Variants in IL1R1 observed in about 807,000 individuals in gnomAD.
IL1R1 encodes the protein interleukin 1 receptor type 1, also known as interleukin-1 receptor type 1.
IL1R1 carries 22 observed loss-of-function variants against 50.2 expected under a neutral mutation model. The observed-to-expected ratio is 0.44, with a 90% CI of 0.31 to 0.63. The LOEUF is 0.63. Among genes scored for constraint, IL1R1 ranks in the 20% least tolerant of loss-of-function variants. IL1R1 has a pLI of 0.07. For synonymous variants in IL1R1, 251 were observed against 236.7 expected (o/e 1.06, Z -0.55); for missense variants, 509 against 676.2 (o/e 0.75, Z 2.74).
At chr2:102,175,413 T>C in intron 10 of IL1R1, 65 bp from the exon 11 acceptor site, 1 of 1,248,254 alleles carries the variant, frequency 8.0e-7, no homozygotes. Context: ...ATGTTTGTGA[T>C]ACTGACTTTA....
intron 1 of IL1R1, among the ~76,000 whole-genome samples, chr2:102,122,916 C>T (rs377134451): frequency 1.3e-5 from 2 of 152,212 alleles, no homozygotes; most frequent in South Asian, 2.1e-4. Flanking sequence ...CATGTGAATG[C>T]TGTAGCTTTG....
intron 1 of IL1R1, among the ~76,000 whole-genome samples, chr2:102,134,427 G>A (rs1022735291): frequency 6.6e-6 from 1 of 151,404 alleles, no homozygotes; most frequent in African/African-American, 2.4e-5. Context: ...GACCAGGCTG[G>A]AGCGCAATGG....
chr2:102,170,472 T>G (rs1685574948), intron 7 of IL1R1, among the ~76,000 whole-genome samples: 1 of 152,206 alleles, frequency 6.6e-6, no homozygotes, highest in African/African-American at 2.4e-5. Context: ...TTTATTATTG[T>G]TTCCTGATCA....
At chr2:102,090,320 C>T (rs1033627378) in intron 1 of IL1R1, among the ~76,000 whole-genome samples, 6 of 152,040 alleles carry the variant, frequency 3.9e-5, no homozygotes, top group South Asian at 4.2e-4. Flanking sequence ...TATTTTCCCA[C>T]CAACTTGGAA....
At chr2:102,083,639 A>G (rs1249303893) in intron 1 of IL1R1, among the ~76,000 whole-genome samples, 1 of 152,154 alleles carries the variant, frequency 6.6e-6, no homozygotes, top group Non-Finnish European at 1.5e-5. Context: ...AAGCTGTGCT[A>G]ATGCTTTTTA....
In IL1R1 at chr2:102,082,647, C is replaced by CAAAT. The variant is rs1320677246; in HGVS notation, c.-84+12114_-84+12115insAAAT. On this transcript the variant is annotated intron_variant, in intron 1 of 11. Coordinates refer to the IL1R1 transcript ENST00000409929. ...ATCAAACAAAACAAAACAGAACAAA[C>CAAAT]GCCCTGGAGACAGAGAGTCTTATTG... 2.1e-4 allele frequency among the ~76,000 whole-genome samples: 30 copies of CAAAT among 140,760 alleles called. No individual in the cohort carries two copies. The South Asian group carries it at 6.3e-3, about 29-fold the overall frequency. 92.3% of individuals were successfully genotyped at this position (140,760 alleles called of 152,430 possible). A position where few individuals can be genotyped will look rare whatever the true frequency, so the allele number is the denominator to read the frequency against.
At chr2:102,147,300 G>A (rs1295424104) in intron 1 of IL1R1, among the ~76,000 whole-genome samples, 2 of 152,186 alleles carry the variant, frequency 1.3e-5, no homozygotes, top group African/African-American at 2.4e-5. Flanking sequence ...TGAAAACAAT[G>A]TAACGATTCT....
chr2:102,174,540 T>A, intron 9 of IL1R1, 47 bp from the exon 10 acceptor site: 1 of 1,439,304 alleles, frequency 6.9e-7, no homozygotes, highest in Non-Finnish European at 9.3e-7. Context: ...GTTTTAATTC[T>A]TTTTGGTTCT....
chr2:102,108,647 A>AC (rs961387635), intron 1 of IL1R1, among the ~76,000 whole-genome samples: 2 of 152,094 alleles, frequency 1.3e-5, no homozygotes, highest in African/African-American at 4.8e-5. Context: ...TTAAAAAAAA[A>AC]CCTAAATGGA....
At chr2:102,127,721 G>A (rs576245934) in intron 1 of IL1R1, among the ~76,000 whole-genome samples, 44 of 150,986 alleles carry the variant, frequency 2.9e-4, no homozygotes, top group Non-Finnish European at 6.2e-4. Context: ...CAATGATCTG[G>A]GATACCTATT....
intron 1 of IL1R1, among the ~76,000 whole-genome samples, chr2:102,098,732 G>A (rs1369423255): frequency 6.6e-6 from 1 of 152,202 alleles, no homozygotes; most frequent in Admixed American, 6.5e-5. Context: ...TAATGCTAAA[G>A]GGGGTTAGGT....
rs3917278 is a variant in IL1R1, at chr2:102,163,902, A to G, written c.62-872A>G. ...TTTAATCCTTTCGGGTCTTGCTTTTAAGCTTAATTAGGATCAGGAAAAAGT... is the reference window on the plus strand; with the variant it reads ...TTTAATCCTTTCGGGTCTTGCTTTTGAGCTTAATTAGGATCAGGAAAAAGT... On this transcript the variant is annotated intron_variant, in intron 3 of 11. Transcript: ENST00000410023. Among the ~76,000 whole-genome samples the G allele has an allele frequency of 1.6e-3, 248 of 152,238 alleles. 1 individual carries two copies. The highest frequency in any genetic ancestry group is 5.8e-3 in the African/African-American group (242 of 41,530).
intron 1 of IL1R1, among the ~76,000 whole-genome samples, chr2:102,134,878 T>G (rs1282860665): frequency 1.3e-5 from 2 of 152,306 alleles, no homozygotes; most frequent in East Asian, 3.9e-4. Context: ...TAGGAAAACC[T>G]GGGTTCTGGG....
intron 1 of IL1R1, among the ~76,000 whole-genome samples, chr2:102,084,739 T>G (rs1426924447): frequency 6.6e-6 from 1 of 152,224 alleles, no homozygotes; most frequent in African/African-American, 2.4e-5. Flanking sequence ...TACTATTTTC[T>G]GTTGGTCTTG....
At chr2:102,146,837 G>A (rs941001566) in intron 1 of IL1R1, among the ~76,000 whole-genome samples, 2 of 152,174 alleles carry the variant, frequency 1.3e-5, no homozygotes, top group South Asian at 4.1e-4. Flanking sequence ...CGGATGTCAA[G>A]CATCGATGGC....
chr2:102,112,746 C>A (rs557906948), intron 1 of IL1R1, among the ~76,000 whole-genome samples: 1 of 151,974 alleles, frequency 6.6e-6, no homozygotes, highest in Non-Finnish European at 1.5e-5. Context: ...TTTTTTTAGG[C>A]GTTGGGTTTT....
chr2:102,172,536 C>T (rs1351203185), intron 8 of IL1R1, 151 bp from the exon 9 acceptor site: 1 of 1,087,004 alleles, frequency 9.2e-7, no homozygotes, highest in East Asian at 2.9e-5. Context: ...TTAGTGTTGC[C>T]AGCAGTCTGA....
intron 1 of IL1R1, among the ~76,000 whole-genome samples, chr2:102,096,402 A>G (rs1679904662): frequency 6.6e-6 from 1 of 152,184 alleles, no homozygotes; most frequent in African/African-American, 2.4e-5. Context: ...AGACTCTGAA[A>G]GTTGTTTGCC....
chr2:102,156,451 G>C (rs766314269), intron 2 of IL1R1, among the ~76,000 whole-genome samples: 1 of 152,010 alleles, frequency 6.6e-6, no homozygotes, highest in Non-Finnish European at 1.5e-5. Context: ...CGCATGGTTA[G>C]AAAATCTTTT....
Sources: gnomAD v4.1 joint callset for allele counts (sites outside exome capture counted in the v4.1 genomes callset) on GRCh38, gnomAD v4.1.1 for gene constraint, MANE v1.5 for transcripts, NCBI Gene and HGNC (gene_info 2026-07-23, HGNC 2026-07-21) for gene names.